Variants in RYR3 observed in about 807,000 individuals in gnomAD.
RYR3 encodes the protein ryanodine receptor 3.
A neutral mutation model predicts 584.3 loss-of-function variants in RYR3; 207 were observed. The ratio of observed to expected loss-of-function variants is 0.35; its 90% CI spans 0.32 to 0.40. RYR3 has a LOEUF of 0.40. Ranked by LOEUF, RYR3 falls within the 10% of genes least tolerant of loss-of-function variation. RYR3 has a pLI of 1.00. For synonymous variants in RYR3, 2,416 were observed against 2,248.5 expected (o/e 1.07, Z -2.11); for missense variants, 5,616 against 6,089.2 (o/e 0.92, Z 2.59).
intron 16 of RYR3, among the ~76,000 whole-genome samples, chr15:33,595,550 T>C (rs1308029625): frequency 6.6e-6 from 1 of 152,184 alleles, no homozygotes; most frequent in East Asian, 1.9e-4. Context: ...CTTATAATCT[T>C]ACACACCCAC....
intron 45 of RYR3, among the ~76,000 whole-genome samples, chr15:33,726,077 A>C (rs1485241356): frequency 6.6e-6 from 1 of 150,902 alleles, no homozygotes; most frequent in Non-Finnish European, 1.5e-5. Context: ...CAGTGCAGTC[A>C]CATTGAGAAG....
intron 17 of RYR3, 84 bp from the exon 18 acceptor site, chr15:33,603,039 G>T (rs1209151162): frequency 2.8e-6 from 4 of 1,422,020 alleles, no homozygotes; most frequent in Non-Finnish European, 3.9e-6. Context: ...GTGTAAATGG[G>T]CCGTTGCCTC....
intron 1 of RYR3, among the ~76,000 whole-genome samples, chr15:33,381,618 C>T (rs1270064709): frequency 1.3e-5 from 2 of 152,156 alleles, no homozygotes; most frequent in African/African-American, 4.8e-5. Context: ...CAATTCAGTC[C>T]TACCACTCCT....
At chr15:33,336,692 AAAG>A (rs916996297) in intron 1 of RYR3, among the ~76,000 whole-genome samples, 10 of 151,616 alleles carry the variant, frequency 6.6e-5, no homozygotes, top group Admixed American at 5.3e-4. Context: ...TGCAAAGGAG[AAAG>A]AAGAAGCTGT....
intron 3 of RYR3, among the ~76,000 whole-genome samples, chr15:33,511,675 A>C (rs930268060): frequency 6.9e-6 from 1 of 145,062 alleles, no homozygotes; most frequent in African/African-American, 2.5e-5. Context: ...GCACACATAG[A>C]AATTCGTCGC....
chr15:33,621,590 A>T (rs2060727644), intron 19 of RYR3, among the ~76,000 whole-genome samples: 1 of 152,212 alleles, frequency 6.6e-6, no homozygotes, highest in South Asian at 2.1e-4. Context: ...ATTACATAAC[A>T]CTTAATGTAG....
At position 33,865,299 on chromosome 15, in the gene RYR3, T is replaced by TGAAGC; in HGVS notation, c.*74_*75insAAGCG. The TGAAGC allele has an allele frequency of 2.0e-6, 2 of 1,006,960 alleles. No individual in the cohort carries two copies. Among genetic ancestry groups the TGAAGC allele is most frequent in the African/African-American group, 3.2e-5 (2 of 62,004 alleles). The allele number at this position is 1,006,960 out of a possible 1,614,324, so 62.4% of individuals were successfully genotyped here. ...AAATAAAGTCCCCTTTTTACAGTTC[T>TGAAGC]GCAACATATCTGAAATGTGACATTT... On this transcript the variant is annotated 3_prime_UTR_variant, in exon 104 of 104. Transcript: ENST00000634891.
intron 44 of RYR3, among the ~76,000 whole-genome samples, chr15:33,723,791 G>T (rs189460825): frequency 2.4e-4 from 37 of 152,326 alleles, no homozygotes; most frequent in African/African-American, 7.7e-4. Flanking sequence ...GGGAATGAAT[G>T]GTTGGTAGGA....
At chr15:33,601,198 G>A (rs1343429374) in intron 16 of RYR3, among the ~76,000 whole-genome samples, 2 of 152,160 alleles carry the variant, frequency 1.3e-5, no homozygotes, top group African/African-American at 4.8e-5. Flanking sequence ...CAACAGAGGG[G>A]CTAGAAAGAA....
At chr15:33,517,704 T>C (rs1162326088) in intron 3 of RYR3, among the ~76,000 whole-genome samples, 1 of 152,148 alleles carries the variant, frequency 6.6e-6, no homozygotes, top group Non-Finnish European at 1.5e-5. Flanking sequence ...GACATGACAT[T>C]GTATAACTCT....
At position 33,611,283 on chromosome 15, in the gene RYR3, G is replaced by A. The variant is rs528686452; in HGVS notation, c.2165-1900G>A. ...AAAAAGTGTGTGTGTGGGGCTGGGCGCGGTGGCTCACGCCTGTAATCCTAG... is the reference window on the plus strand; with the variant it reads ...AAAAAGTGTGTGTGTGGGGCTGGGCACGGTGGCTCACGCCTGTAATCCTAG... On this transcript the variant is annotated intron_variant, in intron 18 of 103. Transcript: ENST00000634891. 1.3e-4 allele frequency among the ~76,000 whole-genome samples: 20 copies of A among 152,274 alleles called. No individual in the cohort carries two copies. The East Asian group carries it at 1.5e-3, about 12-fold the overall frequency.
chr15:33,807,675 T>C, intron 70 of RYR3, 106 bp downstream of exon 70: 1 of 1,209,874 alleles, frequency 8.3e-7, no homozygotes, highest in South Asian at 1.3e-5. Flanking sequence ...AGAATGGATT[T>C]TCCCGCCTGG....
intron 1 of RYR3, among the ~76,000 whole-genome samples, chr15:33,369,657 A>G (rs1046608579): frequency 3.9e-5 from 6 of 152,006 alleles, no homozygotes; most frequent in African/African-American, 1.5e-4. Context: ...TTTATTATCT[A>G]TTGCTCAGAT....
chr15:33,774,673 G>T (rs1168315757), intron 64 of RYR3, among the ~76,000 whole-genome samples: 1 of 152,148 alleles, frequency 6.6e-6, no homozygotes, highest in Admixed American at 6.5e-5. Flanking sequence ...AAGAAATTGA[G>T]GAACTAATGG....
chr15:33,863,577 C>CACAG (rs1889308067), intron 102 of RYR3, among the ~76,000 whole-genome samples: 2 of 152,272 alleles, frequency 1.3e-5, no homozygotes, highest in South Asian at 2.1e-4. Flanking sequence ...ACTTATGTGT[C>CACAG]ACAGACAAAC....
intron 64 of RYR3, among the ~76,000 whole-genome samples, chr15:33,774,091 T>C (rs1221144741): frequency 6.6e-6 from 1 of 152,336 alleles, no homozygotes; most frequent in Non-Finnish European, 1.5e-5. Flanking sequence ...GTGCACACTT[T>C]GGTATTAGCA....
At chr15:33,787,774 TA>T (rs5811795) in intron 66 of RYR3, among the ~76,000 whole-genome samples, 85,479 of 152,066 alleles carry the variant, frequency 0.56, 26,034 homozygotes, top group East Asian at 0.96. Flanking sequence ...TTCTGTAAAA[TA>T]ACCAGAAAGC....
At chr15:33,781,528 T>G (rs2074378032) in intron 65 of RYR3, among the ~76,000 whole-genome samples, 1 of 152,188 alleles carries the variant, frequency 6.6e-6, no homozygotes, top group South Asian at 2.1e-4. Flanking sequence ...TGCCACACTT[T>G]TCTTTGCCAC....
At chr15:33,636,317 C>T (rs566540119) in intron 26 of RYR3, 59 bp from the exon 27 acceptor site, 21 of 1,440,338 alleles carry the variant, frequency 1.5e-5, no homozygotes, top group South Asian at 8.2e-5. Context: ...GGTCATTTCT[C>T]CAGCTGCTGG....
Sources: gnomAD v4.1 joint callset for allele counts (sites outside exome capture counted in the v4.1 genomes callset) on GRCh38, gnomAD v4.1.1 for gene constraint, MANE v1.5 for transcripts, NCBI Gene and HGNC (gene_info 2026-07-23, HGNC 2026-07-21) for gene names.